The following IQGAP2 variants were observed in gnomAD, a reference collection of about 807,000 sequenced individuals.
IQGAP2 encodes the protein ras GTPase-activating-like protein IQGAP2.
A neutral mutation model predicts 201.3 loss-of-function variants in IQGAP2; 173 were observed. The ratio of observed to expected loss-of-function variants is 0.86; its 90% CI spans 0.76 to 0.98. The LOEUF is 0.98. Ranked by LOEUF, IQGAP2 falls within the 50% of genes least tolerant of loss-of-function variation. The probability of loss-of-function intolerance (pLI) is 0.00; values close to 1 mark genes in which losing one functional copy is unlikely to be tolerated. For missense variants in IQGAP2, 1,687 were observed against 1,864.8 expected (o/e 0.90, Z 1.76); for synonymous variants, 675 against 673.9 (o/e 1.00, Z -0.03).
rs573272915 is a variant in IQGAP2, at chr5:76,621,849, A to G, written c.1522-5561A>G. ...CATAATATTTCGGAAATGTTTTTCTATCCGGGAAAAGGCCTTGAAGAACTA... is the reference window on the plus strand; with the variant it reads ...CATAATATTTCGGAAATGTTTTTCTGTCCGGGAAAAGGCCTTGAAGAACTA... On this transcript the variant is annotated intron_variant, in intron 13 of 35. Transcript: ENST00000274364. Among the ~76,000 whole-genome samples the G allele has an allele frequency of 1.2e-4, 18 of 152,200 alleles. No homozygotes were observed. The South Asian group carries it at 3.7e-3, about 32-fold the overall frequency.
At chr5:76,465,190 A>G (rs1257282797) in intron 2 of IQGAP2, among the ~76,000 whole-genome samples, 1 of 152,222 alleles carries the variant, frequency 6.6e-6, no homozygotes, top group Non-Finnish European at 1.5e-5. Flanking sequence ...AATCAAATCC[A>G]GCAACATATA....
intron 1 of IQGAP2, among the ~76,000 whole-genome samples, chr5:76,455,494 C>T (rs1427412405): frequency 7.0e-6 from 1 of 143,588 alleles, no homozygotes; most frequent in Admixed American, 6.9e-5. Context: ...ACAAAACCAA[C>T]AAGTGTTAAG....
intron 2 of IQGAP2, among the ~76,000 whole-genome samples, chr5:76,483,909 G>A (rs1755951879): frequency 6.6e-6 from 1 of 152,152 alleles, no homozygotes. Flanking sequence ...GATAGGCAAG[G>A]GTCAAGGGAA....
At chr5:76,508,497 A>G (rs1006873916) in intron 2 of IQGAP2, among the ~76,000 whole-genome samples, 6 of 152,178 alleles carry the variant, frequency 3.9e-5, no homozygotes, top group African/African-American at 1.4e-4. Flanking sequence ...GGGCTGGTAC[A>G]GAGGGTGGCT....
intron 2 of IQGAP2, among the ~76,000 whole-genome samples, chr5:76,475,330 A>C (rs1195903276): frequency 2.0e-5 from 3 of 152,152 alleles, no homozygotes; most frequent in African/African-American, 7.2e-5. Context: ...TTTTCATGTG[A>C]ATTTCTCCAA....
chr5:76,515,870 A>ATTTTTTTTTTTTTTTTTTTTTTTTT (rs1561431598), intron 2 of IQGAP2, among the ~76,000 whole-genome samples: 1 of 121,852 alleles, frequency 8.2e-6, no homozygotes, highest in African/African-American at 3.6e-5. Flanking sequence ...CAAGGGGGTG[A>ATTTTTTTTTTTTTTTTTTTTTTTTT]TCTTTTTTTT....
At chr5:76,526,545 T>A (rs963507065) in intron 2 of IQGAP2, among the ~76,000 whole-genome samples, 1 of 152,190 alleles carries the variant, frequency 6.6e-6, no homozygotes, top group African/African-American at 2.4e-5. Flanking sequence ...ATCCAAAGCC[T>A]TTAGTTGCAA....
chr5:76,645,314 G>A (rs111930611), intron 17 of IQGAP2, among the ~76,000 whole-genome samples: 31,974 of 152,094 alleles, frequency 0.21, 3,540 homozygotes, highest in South Asian at 0.37. Flanking sequence ...AAACATACTT[G>A]TGCATGTGTC....
chr5:76,592,995 A>G, intron 9 of IQGAP2, 70 bp downstream of exon 9: 1 of 1,030,026 alleles, frequency 9.7e-7, no homozygotes, highest in Non-Finnish European at 1.5e-6. Flanking sequence ...CAGAATCCCA[A>G]CACAACTCTC....
chr5:76,436,554 CAG>C (rs1330168041), intron 1 of IQGAP2, among the ~76,000 whole-genome samples: 8 of 52,428 alleles, frequency 1.5e-4, no homozygotes, highest in Non-Finnish European at 1.4e-4. Flanking sequence ...TTTTTTGAGA[CAG>C]AGTCTTGTTC....
Position 76,634,055 on chromosome 5 carries a change from T to G in IQGAP2, c.1780+2029T>G, listed in dbSNP as rs1013853319. 2.6e-5 allele frequency among the ~76,000 whole-genome samples: 4 copies of G among 152,144 alleles called. No individual in the cohort carries two copies. In the East Asian group the frequency reaches 5.8e-4, roughly 22 times the overall value. On this transcript the variant is annotated intron_variant, in intron 15 of 35. Coordinates refer to ENST00000274364, the MANE Select transcript of IQGAP2 (RefSeq NM_006633.5). ...TTTCGTACAACTGATTTTTGTATAT[T>G]GATCTTGTATCCTACAACCTTGCTG...
At chr5:76,636,978 C>T (rs1042763802) in intron 15 of IQGAP2, 56 bp from the exon 16 acceptor site, 1 of 1,368,266 alleles carries the variant, frequency 7.3e-7, no homozygotes, top group Non-Finnish European at 9.9e-7. Flanking sequence ...AGAAACTACA[C>T]TAATGTTTAA....
chr5:76,461,707 T>C (rs1175065858), intron 2 of IQGAP2, 38 bp downstream of exon 2: 1 of 1,433,038 alleles, frequency 7.0e-7, no homozygotes, highest in Non-Finnish European at 9.8e-7. Flanking sequence ...CACCATCTCT[T>C]GGAGATAAGC....
intron 12 of IQGAP2, among the ~76,000 whole-genome samples, chr5:76,608,558 C>CATT (rs1747994585): frequency 6.6e-6 from 1 of 152,158 alleles, no homozygotes; most frequent in African/African-American, 2.4e-5. Context: ...TTTGAAGGTG[C>CATT]ATTACTCTTG....
In IQGAP2 at chr5:76,618,102, C is replaced by T. The variant is rs140212772; in HGVS notation, c.1521+6919C>T. Reference sequence around the variant, plus strand: ...GGCATAGGTGTGCTTGGGCAGGCCCCGGTAGGTGAAAGGATGGACGATGGC... The same window carrying T: ...GGCATAGGTGTGCTTGGGCAGGCCCTGGTAGGTGAAAGGATGGACGATGGC... On this transcript the variant is annotated intron_variant, in intron 13 of 35. Transcript: ENST00000274364. 1,577 of 1,614,098 alleles carry T rather than the reference C, an allele frequency of 9.8e-4. 1 individual carries two copies. Among genetic ancestry groups the T allele is most frequent in the Admixed American group, 1.4e-3 (87 of 60,022 alleles).
chr5:76,690,118 C>A (rs1580829135), intron 30 of IQGAP2, among the ~76,000 whole-genome samples: 1 of 152,132 alleles, frequency 6.6e-6, no homozygotes, highest in East Asian at 1.9e-4. Flanking sequence ...ATTTGAAGAG[C>A]CCTGGCGCCA....
chr5:76,611,464 A>T (rs1194666849), intron 13 of IQGAP2, among the ~76,000 whole-genome samples: 1 of 152,208 alleles, frequency 6.6e-6, no homozygotes, highest in African/African-American at 2.4e-5. Context: ...TCCTTAGTAG[A>T]TACTATGTGC....
chr5:76,543,912 A>T (rs1434134962), intron 2 of IQGAP2, among the ~76,000 whole-genome samples: 1 of 152,288 alleles, frequency 6.6e-6, no homozygotes, highest in East Asian at 1.9e-4. Flanking sequence ...TCTGATGTCT[A>T]TGTCAATACA....
chr5:76,668,317 G>T (rs1743974346), intron 22 of IQGAP2, among the ~76,000 whole-genome samples: 1 of 151,918 alleles, frequency 6.6e-6, no homozygotes, highest in Non-Finnish European at 1.5e-5. Context: ...GTATCATATA[G>T]TGTGTATCAT....
Sources: allele counts gnomAD v4.1 joint callset (sites outside exome capture counted in the v4.1 genomes callset), GRCh38; gene constraint gnomAD v4.1.1; transcripts MANE v1.5; gene names NCBI Gene and HGNC (gene_info 2026-07-23, HGNC 2026-07-21).